Variants in AGO2 observed in about 807,000 individuals in gnomAD.
AGO2 encodes the protein protein argonaute-2.
Under a neutral mutation model 102.3 loss-of-function variants are expected in AGO2, and 5 were observed. That is an observed-to-expected ratio of 0.05 (90% confidence interval 0.03 to 0.10). The LOEUF (loss-of-function observed/expected upper bound fraction) is 0.10. AGO2 is among the 10% of genes least tolerant of loss of function. The probability of loss-of-function intolerance (pLI) is 1.00; values close to 1 mark genes in which losing one functional copy is unlikely to be tolerated. For missense variants in AGO2, 541 were observed against 1,183.7 expected (o/e 0.46, Z 7.97); for synonymous variants, 449 against 473.1 (o/e 0.95, Z 0.66).
rs569137495 is a variant in AGO2 at position 140,609,540 on chromosome 8, C to T, written c.23-24229G>A. ...ATCAATTCTTCCTCTGCTACAGCTG[C>T]GGCCTCACTCCCTCAGGAATCTGCC... On this transcript the variant is annotated intron_variant, in intron 1 of 18. Coordinates refer to ENST00000220592, the MANE Select transcript of AGO2 (RefSeq NM_012154.5). Among the ~76,000 whole-genome samples, 1,251 of 152,342 alleles carry T rather than the reference C, an allele frequency of 8.2e-3. 18 individuals are homozygous for T. Among genetic ancestry groups the T allele is most frequent in the Non-Finnish European group, 8.8e-3 (599 of 68,026 alleles).
rs750002692 is a variant in AGO2, at chr8:140,551,456, C to T, written c.1270-20G>A. The T allele has an allele frequency of 6.6e-7, 1 of 1,512,166 alleles. No homozygotes were observed. The allele number at this position is 1,512,166 out of a possible 1,614,324, so 93.7% of individuals were successfully genotyped here. The stretch of plus-strand genomic sequence containing the variant: ...TTTATTCTGCAAATGGCAAAAGGTT[C>T]AGGGTGAGAAAAAAATGGAAAACAT... On this transcript the variant is annotated intron_variant, in intron 10 of 18. Transcript: ENST00000220592.
intron 11 of AGO2, among the ~76,000 whole-genome samples, chr8:140,550,712 G>C (rs2072980729): frequency 6.6e-6 from 1 of 152,172 alleles, no homozygotes; most frequent in African/African-American, 2.4e-5. Context: ...CACCTCCCGG[G>C]TTCAAGCGAT....
chr8:140,632,017 A>G (rs946433950), intron 1 of AGO2, among the ~76,000 whole-genome samples: 7 of 152,272 alleles, frequency 4.6e-5, no homozygotes, highest in Admixed American at 4.6e-4. Context: ...GAAGATTCAC[A>G]GTAACGATTC....
intron 2 of AGO2, among the ~76,000 whole-genome samples, chr8:140,577,947 G>A (rs187015055): frequency 6.6e-6 from 1 of 152,320 alleles, no homozygotes; most frequent in East Asian, 1.9e-4. Context: ...TGGGCTGGGC[G>A]GATCTCTCAA....
At chr8:140,580,199 G>C (rs117980605) in intron 2 of AGO2, among the ~76,000 whole-genome samples, 2,494 of 152,366 alleles carry the variant, frequency 0.016, 25 homozygotes, top group Non-Finnish European at 0.026. Flanking sequence ...GAAGGGTCTT[G>C]CTTGCACCAA....
At chr8:140,641,975 A>G in the AGO2 span, among the ~76,000 whole-genome samples, 1 of 152,250 alleles carries the variant, frequency 6.6e-6, no homozygotes, top group East Asian at 1.9e-4. Context: ...CTGGGCAGTC[A>G]AGGCAGCAGT....
At chr8:140,585,438 C>A (rs1300795779) in intron 1 of AGO2, 127 bp from the exon 2 acceptor site, 10 of 1,044,490 alleles carry the variant, frequency 9.6e-6, no homozygotes, top group Non-Finnish European at 1.4e-5. Context: ...GCCAATATTG[C>A]ATTCCACAGA....
chr8:140,559,643 G>A lies in AGO2; in HGVS notation c.656-114C>T, dbSNP rs575029784. 8.8e-5 allele frequency: 125 copies of A among 1,415,776 alleles called. 1 individual carries two copies. Among genetic ancestry groups the A allele is most frequent in the African/African-American group, 5.6e-4 (39 of 70,026 alleles). 87.7% of individuals were successfully genotyped at this position (1,415,776 alleles called of 1,614,324 possible). A position where few individuals can be genotyped will look rare whatever the true frequency, so the allele number is the denominator to read the frequency against. On this transcript the variant is annotated intron_variant, in intron 5 of 18. Transcript: ENST00000220592. ...CCAGCCATGGTGGGGACACCCGGCC[G>A]GGGTTCTCACTCCCTACTGAGGCTA...
intron 1 of AGO2, among the ~76,000 whole-genome samples, chr8:140,625,033 C>G (rs1355186940): frequency 6.6e-6 from 1 of 152,176 alleles, no homozygotes; most frequent in Non-Finnish European, 1.5e-5. Flanking sequence ...ACCCCACCCT[C>G]TTGGTCTGTT....
At chr8:140,565,525 C>T (rs1157872986) in intron 3 of AGO2, among the ~76,000 whole-genome samples, 2 of 150,708 alleles carry the variant, frequency 1.3e-5, no homozygotes, top group African/African-American at 4.9e-5. Context: ...GCCTTAATCC[C>T]AGCTACCTGG....
intron 1 of AGO2, among the ~76,000 whole-genome samples, chr8:140,602,543 T>C (rs1446038600): frequency 1.3e-5 from 2 of 152,246 alleles, no homozygotes; most frequent in Admixed American, 1.3e-4. Flanking sequence ...AAATAAGCTT[T>C]AGCTTTAAGT....
rs772194504 is a variant in AGO2, at chr8:140,562,434, T to C, written c.518+19A>G. 1.1e-5 allele frequency: 18 copies of C among 1,600,616 alleles called. No individual in the cohort carries two copies. The highest frequency in any genetic ancestry group is 1.4e-5 in the Non-Finnish European group (16 of 1,171,366). On this transcript the variant is annotated intron_variant, in intron 4 of 18. Transcript: ENST00000220592. The stretch of plus-strand genomic sequence containing the variant: ...CTGCAGGGGAGTCCCCCGCCCTTGG[T>C]CCCGTGTGGCGCCCTCACCTCATGG...
At chr8:140,632,814 T>C (rs1439618293) in intron 1 of AGO2, among the ~76,000 whole-genome samples, 3 of 152,218 alleles carry the variant, frequency 2.0e-5, no homozygotes, top group Admixed American at 6.5e-5. Context: ...TGGTATAATG[T>C]AGAGCTATTG....
chr8:140,543,664 T>C (rs1264508360), intron 14 of AGO2, among the ~76,000 whole-genome samples: 1 of 152,218 alleles, frequency 6.6e-6, no homozygotes, highest in Admixed American at 6.5e-5. Flanking sequence ...CAGGCTGGAA[T>C]GTAAGCATTT....
chr8:140,582,127 C>A (rs550886820), intron 2 of AGO2, among the ~76,000 whole-genome samples: 1 of 152,212 alleles, frequency 6.6e-6, no homozygotes, highest in South Asian at 2.1e-4. Context: ...CTTGGAAAAG[C>A]AATAGATCTA....
chr8:140,535,327 G>T, intron 17 of AGO2, 141 bp downstream of exon 17: 1 of 856,358 alleles, frequency 1.2e-6, no homozygotes. Context: ...GCACAGCCTG[G>T]GCTCCCCGGT....
chr8:140,589,058 C>T lies in AGO2; in HGVS notation c.23-3747G>A, dbSNP rs533858693. On this transcript the variant is annotated intron_variant, in intron 1 of 18. Coordinates refer to ENST00000220592, the MANE Select transcript of AGO2 (RefSeq NM_012154.5). The surrounding 1 kb of genome is among the most constrained non-coding windows in gnomAD (Gnocchi z 4.2). ...CACAGCGGACGTCAGCAGAGGTGGG[C>T]GGCAGGCGAGCCTCCTGCAGGAGCA... is the stretch of plus-strand genomic sequence containing the variant. Among the ~76,000 whole-genome samples the T allele has an allele frequency of 6.6e-6, 1 of 152,344 alleles. No homozygotes were observed. The highest frequency in any genetic ancestry group is 6.5e-5 in the Admixed American group (1 of 15,304).
At chr8:140,553,403 T>TACAA (rs1564082673) in intron 10 of AGO2, among the ~76,000 whole-genome samples, 1 of 130,214 alleles carries the variant, frequency 7.7e-6, no homozygotes, top group African/African-American at 3.3e-5. Flanking sequence ...ACAAGTTTTT[T>TACAA]GTTTTTTGTT....
intron 13 of AGO2, among the ~76,000 whole-genome samples, chr8:140,545,076 A>C (rs1478516612): frequency 6.6e-6 from 1 of 152,016 alleles, no homozygotes; most frequent in Non-Finnish European, 1.5e-5. Flanking sequence ...CCTGTTGGAA[A>C]CCAGGTACAT....
Sources: allele counts gnomAD v4.1 joint callset (sites outside exome capture counted in the v4.1 genomes callset), GRCh38; gene constraint gnomAD v4.1.1; non-coding constraint Gnocchi (gnomAD v3.1); transcripts MANE v1.5; gene names NCBI Gene and HGNC (gene_info 2026-07-23, HGNC 2026-07-21).